LCLAT1: variants seen among roughly 807,000 people sequenced by gnomAD.
LCLAT1 encodes the protein lysocardiolipin acyltransferase 1.
A neutral mutation model predicts 30.7 loss-of-function variants in LCLAT1; 11 were observed. That is an observed-to-expected ratio of 0.36 (90% CI 0.23 to 0.59). The LOEUF is 0.59. Ranked by LOEUF, LCLAT1 falls within the 20% of genes least tolerant of loss-of-function variation. The pLI is 0.77. For synonymous variants in LCLAT1, 155 were observed against 151.3 expected (o/e 1.02, Z -0.18); for missense variants, 402 against 458.6 (o/e 0.88, Z 1.13).
At chr2:30,597,958 T>C (rs897983499) in intron 5 of LCLAT1, among the ~76,000 whole-genome samples, 2 of 152,330 alleles carry the variant, frequency 1.3e-5, no homozygotes, top group African/African-American at 2.4e-5. Context: ...ATTTGCATTA[T>C]GTTGAACCAG....
intron 5 of LCLAT1, among the ~76,000 whole-genome samples, chr2:30,596,609 G>A (rs940472419): frequency 5.9e-5 from 9 of 151,652 alleles, no homozygotes; most frequent in Non-Finnish European, 1.5e-5. Context: ...TTGCTCTGAT[G>A]ATAGTTTCTT....
intron 1 of LCLAT1, among the ~76,000 whole-genome samples, chr2:30,475,305 A>G (rs1682993428): frequency 6.6e-6 from 1 of 152,138 alleles, no homozygotes; most frequent in South Asian, 2.1e-4. Context: ...TACTAGTCTT[A>G]TGGAAACTTA....
chr2:30,466,960 T>G (rs1253134412), intron 1 of LCLAT1, among the ~76,000 whole-genome samples: 3 of 152,260 alleles, frequency 2.0e-5, no homozygotes, highest in Non-Finnish European at 4.4e-5. Flanking sequence ...TAAATTATAC[T>G]TTAAGTTCTA....
intron 1 of LCLAT1, among the ~76,000 whole-genome samples, chr2:30,470,439 T>C (rs1288261653): frequency 6.6e-6 from 1 of 152,236 alleles, no homozygotes; most frequent in African/African-American, 2.4e-5. Context: ...AAGATGGTTT[T>C]GGTCTCTAAA....
intron 5 of LCLAT1, among the ~76,000 whole-genome samples, chr2:30,639,103 A>T (rs1669177081): frequency 6.6e-6 from 1 of 152,120 alleles, no homozygotes; most frequent in East Asian, 1.9e-4. Flanking sequence ...CCACCTACAG[A>T]ATTGAGTTTA....
intron 5 of LCLAT1, among the ~76,000 whole-genome samples, chr2:30,588,580 G>T (rs1666545371): frequency 6.6e-6 from 1 of 152,016 alleles, no homozygotes; most frequent in African/African-American, 2.4e-5. Flanking sequence ...TTTTGTTGTT[G>T]TTGTTTTGTT....
intron 1 of LCLAT1, among the ~76,000 whole-genome samples, chr2:30,469,320 A>G (rs1428298240): frequency 6.6e-6 from 1 of 151,880 alleles, no homozygotes; most frequent in African/African-American, 2.4e-5. Context: ...TGCCAAATCC[A>G]AGGTTGTGAA....
At chr2:30,484,525 A>G (rs946403939) in intron 1 of LCLAT1, among the ~76,000 whole-genome samples, 5 of 152,100 alleles carry the variant, frequency 3.3e-5, no homozygotes, top group East Asian at 1.9e-4. Context: ...CGTTTAACCA[A>G]TGTTATTTTA....
intron 1 of LCLAT1, among the ~76,000 whole-genome samples, chr2:30,462,407 A>G (rs1682199065): frequency 1.3e-5 from 2 of 152,256 alleles, no homozygotes; most frequent in African/African-American, 2.4e-5. Flanking sequence ...CTAGAGTTCA[A>G]AAGGGGCACA....
intron 5 of LCLAT1, among the ~76,000 whole-genome samples, chr2:30,624,645 G>C (rs987199786): frequency 1.3e-5 from 2 of 152,106 alleles, no homozygotes; most frequent in Non-Finnish European, 2.9e-5. Flanking sequence ...CTAAGAATGA[G>C]ATAGATGGCA....
At chr2:30,478,379 A>T (rs1325942723) in intron 1 of LCLAT1, among the ~76,000 whole-genome samples, 3 of 152,210 alleles carry the variant, frequency 2.0e-5, no homozygotes, top group Non-Finnish European at 4.4e-5. Flanking sequence ...TTAGCATGCT[A>T]CCTGCTCATA....
chr2:30,529,690 C>G (rs1199996092), intron 2 of LCLAT1, among the ~76,000 whole-genome samples: 5 of 152,158 alleles, frequency 3.3e-5, no homozygotes, highest in Non-Finnish European at 7.3e-5. Context: ...TCTTCCACAG[C>G]CTTCTGATAC....
At chr2:30,578,081 G>C (rs887823142) in intron 5 of LCLAT1, among the ~76,000 whole-genome samples, 4 of 152,190 alleles carry the variant, frequency 2.6e-5, no homozygotes, top group African/African-American at 7.2e-5. Flanking sequence ...ATAGTTGTTT[G>C]TCTTATCTCT....
At chr2:30,467,979 A>G (rs1315063183) in intron 1 of LCLAT1, among the ~76,000 whole-genome samples, 1 of 152,136 alleles carries the variant, frequency 6.6e-6, no homozygotes, top group Non-Finnish European at 1.5e-5. Context: ...TTTTGTTGCC[A>G]TTGCTTTTGG....
intron 1 of LCLAT1, among the ~76,000 whole-genome samples, chr2:30,481,317 G>T (rs912890485): frequency 2.0e-5 from 3 of 152,170 alleles, no homozygotes; most frequent in Non-Finnish European, 4.4e-5. Flanking sequence ...CCTGTGGGTC[G>T]GTCTGCAGCT....
chr2:30,459,716 G>T (rs767526412), intron 1 of LCLAT1: 3 of 1,611,360 alleles, frequency 1.9e-6, no homozygotes, highest in African/African-American at 2.7e-5. Context: ...GACTCTAAAA[G>T]CTTTGGGTAA....
chr2:30,494,553 C>T lies in LCLAT1; in HGVS notation c.-4-31034C>T, dbSNP rs139899375. Among the ~76,000 whole-genome samples, 550 of 59,736 alleles carry T rather than the reference C, an allele frequency of 9.2e-3. 2 individuals carry two copies. Among genetic ancestry groups the T allele is most frequent in the African/African-American group, 0.028 (523 of 18,638 alleles). The allele number at this position is 59,736 out of a possible 152,430, so 39.2% of individuals were successfully genotyped here. A position where few individuals can be genotyped will look rare whatever the true frequency, so the allele number is the denominator to read the frequency against. On this transcript the variant is annotated intron_variant, in intron 1 of 5. Coordinates refer to ENST00000379509, the MANE Select transcript of LCLAT1 (RefSeq NM_001002257.3). The stretch of plus-strand genomic sequence containing the variant: ...TTGCATACATACATGCATACACACA[C>T]GCATACGTGCATACACACATGCATA...
intron 5 of LCLAT1, among the ~76,000 whole-genome samples, chr2:30,621,610 C>T: frequency 6.6e-6 from 1 of 152,134 alleles, no homozygotes; most frequent in South Asian, 2.1e-4. Context: ...AGCCAAAAAA[C>T]TGTGAGCGAC....
intron 1 of LCLAT1, among the ~76,000 whole-genome samples, chr2:30,518,244 A>C (rs1685286696): frequency 2.6e-5 from 4 of 152,240 alleles, no homozygotes; most frequent in Admixed American, 2.6e-4. Flanking sequence ...CGGGATTTAA[A>C]TCTTATTACT....
Sources: allele counts gnomAD v4.1 joint callset (sites outside exome capture counted in the v4.1 genomes callset), GRCh38; gene constraint gnomAD v4.1.1; transcripts MANE v1.5; gene names NCBI Gene and HGNC (gene_info 2026-07-23, HGNC 2026-07-21).